Variants in VRK3 observed in about 807,000 individuals in gnomAD.
VRK3 encodes the protein VRK serine/threonine kinase 3.
A neutral mutation model predicts 60.4 loss-of-function variants in VRK3; 50 were observed. The ratio of observed to expected loss-of-function variants is 0.83; its 90% CI spans 0.66 to 1.05. The LOEUF is 1.05. VRK3 is among the 50% of genes least tolerant of loss of function. VRK3 has a pLI of 0.00. For synonymous variants in VRK3, 246 were observed against 227.8 expected (o/e 1.08, Z -0.72); for missense variants, 549 against 585.3 (o/e 0.94, Z 0.64).
rs1009419357 is a variant in VRK3, at chr19:50,007,917, T to C, written c.290-91A>G. ...AACAGCACGCAAAATACTGTTCCTT[T>C]ACAAATTCGTTCATTCAACAAACAT... On this transcript the variant is annotated intron_variant, in intron 4 of 14. Transcript: ENST00000316763. The C allele has an allele frequency of 3.9e-6, 6 of 1,543,444 alleles. No homozygotes were observed. The East Asian group carries it at 6.8e-5, about 18-fold the overall frequency.
intron 2 of VRK3, among the ~76,000 whole-genome samples, chr19:50,017,116 C>A (rs927543491): frequency 6.6e-6 from 1 of 151,958 alleles, no homozygotes; most frequent in South Asian, 2.1e-4. Context: ...GTTGCTTGAA[C>A]CCGGGAGGTG....
At chr19:49,996,717 A>G (rs1466566974) in intron 7 of VRK3, among the ~76,000 whole-genome samples, 1 of 152,036 alleles carries the variant, frequency 6.6e-6, no homozygotes, top group Non-Finnish European at 1.5e-5. Flanking sequence ...TCCAGGTTCG[A>G]GTGATTCTCC....
chr19:49,988,011 A>T (rs1386443775), intron 12 of VRK3: 2 of 169,068 alleles, frequency 1.2e-5, no homozygotes, highest in African/African-American at 4.7e-5. Context: ...CACAATGAGC[A>T]TTTTCTCTGA....
rs9304700 is a variant in VRK3 at position 49,995,378 on chromosome 19, C to T, written c.680-103G>A. 0.013 allele frequency: 13,275 copies of T among 1,018,400 alleles called. 1,123 individuals carry two copies. The African/African-American group carries it at 0.18, about 14-fold the overall frequency. The allele number at this position is 1,018,400 out of a possible 1,614,324, so 63.1% of individuals were successfully genotyped here. ...AAGCACAGAGTGCCCAGACCGCCTCCAAGTCTCCTTGTTGGAGGTGACAAC... is the reference window on the plus strand; with the variant it reads ...AAGCACAGAGTGCCCAGACCGCCTCTAAGTCTCCTTGTTGGAGGTGACAAC... On this transcript the variant is annotated intron_variant, in intron 7 of 14. Transcript: ENST00000316763.
At chr19:50,008,562 C>G (rs776618602) in intron 4 of VRK3, among the ~76,000 whole-genome samples, 48 of 152,166 alleles carry the variant, frequency 3.2e-4, no homozygotes, top group Non-Finnish European at 6.5e-4. Context: ...TCAGGCCTCC[C>G]GTGTCCTGGG....
Position 50,009,081 on chromosome 19 carries a change from G to C in VRK3, c.289+155C>G, listed in dbSNP as rs529253628. On this transcript the variant is annotated intron_variant, in intron 4 of 14. Coordinates refer to ENST00000316763, the MANE Select transcript of VRK3 (RefSeq NM_016440.4). ...GGGGCCATATAGAGGCAGACTGGAG[G>C]GGGAGATGGGAGGCTGGGGAAGCTG... Among the ~76,000 whole-genome samples the C allele has an allele frequency of 3.7e-4, 56 of 152,192 alleles. 1 individual carries two copies. Among genetic ancestry groups the C allele is most frequent in the Non-Finnish European group, 4.0e-4 (27 of 67,998 alleles).
At chr19:49,989,017 G>A (rs1600665861) in intron 11 of VRK3, among the ~76,000 whole-genome samples, 1 of 152,102 alleles carries the variant, frequency 6.6e-6, no homozygotes, top group African/African-American at 2.4e-5. Context: ...TTTAGACAAC[G>A]CTTTGTGTAA....
At chr19:50,019,596 AGCTCTTGG>A (rs1568819951) in intron 2 of VRK3, among the ~76,000 whole-genome samples, 2 of 136,344 alleles carry the variant, frequency 1.5e-5, no homozygotes, top group African/African-American at 5.4e-5. Flanking sequence ...TGCGGCCTCG[AGCTCTTGG>A]GCTCAAGCCA....
chr19:49,995,165 G>C (rs1177566106), intron 8 of VRK3, 26 bp downstream of exon 8: 1 of 1,611,176 alleles, frequency 6.2e-7, no homozygotes, highest in East Asian at 2.2e-5. Flanking sequence ...AGGCCGGTGA[G>C]GCAAGCAGTG....
chr19:49,984,578 C>T (rs149101520), intron 12 of VRK3, among the ~76,000 whole-genome samples: 254 of 152,344 alleles, frequency 1.7e-3, no homozygotes, highest in African/African-American at 5.8e-3. Flanking sequence ...ACACTGAAGC[C>T]TGGGCGGGCT....
intron 3 of VRK3, among the ~76,000 whole-genome samples, chr19:50,014,979 A>G (rs2077051889): frequency 6.6e-6 from 1 of 152,096 alleles, no homozygotes; most frequent in African/African-American, 2.4e-5. Flanking sequence ...CTGATACTGC[A>G]CTGATTGTAA....
chr19:50,003,546 C>T (rs191659989), intron 5 of VRK3, among the ~76,000 whole-genome samples: 64 of 152,230 alleles, frequency 4.2e-4, no homozygotes, highest in African/African-American at 2.9e-4. Flanking sequence ...CAGCGAGGCC[C>T]GGGATATATG....
chr19:50,012,003 C>T (rs1198063643), intron 3 of VRK3, among the ~76,000 whole-genome samples: 4 of 147,422 alleles, frequency 2.7e-5, no homozygotes, highest in South Asian at 2.1e-4. Context: ...CGGAGTTTTG[C>T]TCTTGTTGCC....
At chr19:49,984,564 G>A (rs13382171) in intron 12 of VRK3, among the ~76,000 whole-genome samples, 7,976 of 152,210 alleles carry the variant, frequency 0.052, 691 homozygotes, top group African/African-American at 0.18. Flanking sequence ...CGACCTCTGT[G>A]TCCACACTGA....
At chr19:50,011,479 C>T (rs1600712156) in intron 3 of VRK3, among the ~76,000 whole-genome samples, 1 of 152,178 alleles carries the variant, frequency 6.6e-6, no homozygotes, top group Admixed American at 6.5e-5. Context: ...TTCCATGCCT[C>T]GAATCCATTT....
intron 10 of VRK3, among the ~76,000 whole-genome samples, chr19:49,991,025 C>T (rs1216117668): frequency 3.3e-5 from 5 of 152,050 alleles, no homozygotes; most frequent in Non-Finnish European, 7.4e-5. Context: ...TGGGCTCAAG[C>T]GATCCGATCC....
intron 4 of VRK3, among the ~76,000 whole-genome samples, chr19:50,008,076 C>T (rs941528391): frequency 1.3e-5 from 2 of 152,036 alleles, no homozygotes; most frequent in Admixed American, 6.5e-5. Context: ...TAGTCAGATG[C>T]GGGTCTGAGA....
chr19:49,994,856 A>G lies in VRK3; in HGVS notation c.828T>C (p.His276=), dbSNP rs139542551. ...LQSALDVSPK[H]VLSERSVLQV... ...GCAGCACAGACCTCTCTGACAGCAC[A>G]TGCTTTGGGCTGACATCCAGGGCCG... The change falls in exon 9 of 15, where the codon CAT becomes CAC. Residue 276 remains histidine, a synonymous_variant. Coordinates refer to ENST00000316763, the MANE Select transcript of VRK3 (RefSeq NM_016440.4). 4.3e-6 allele frequency: 7 copies of G among 1,614,174 alleles called. No individual in the cohort carries two copies. The East Asian group carries it at 8.9e-5, about 21-fold the overall frequency.
At chr19:49,993,147 C>T (rs969764198) in intron 9 of VRK3, among the ~76,000 whole-genome samples, 195 bp from the exon 10 acceptor site, 5 of 152,172 alleles carry the variant, frequency 3.3e-5, no homozygotes, top group Admixed American at 1.3e-4. Flanking sequence ...TCTAATCAGG[C>T]TCTCAGGAAG....
Sources: gnomAD v4.1 joint callset for allele counts (sites outside exome capture counted in the v4.1 genomes callset) on GRCh38, gnomAD v4.1.1 for gene constraint, MANE v1.5 for transcripts, NCBI Gene and HGNC (gene_info 2026-07-23, HGNC 2026-07-21) for gene names.